The following LTBP1 variants were observed in gnomAD, a reference collection of about 807,000 sequenced individuals.
LTBP1 encodes the protein latent-transforming growth factor beta-binding protein 1.
In LTBP1, 129 loss-of-function variants were observed where a neutral mutation model predicts 207.6. The observed-to-expected ratio is 0.62, with a 90% CI of 0.54 to 0.72. The LOEUF (loss-of-function observed/expected upper bound fraction) is 0.72. LTBP1 is among the 30% of genes least tolerant of loss of function. The probability of loss-of-function intolerance (pLI) is 0.00; values close to 1 mark genes in which losing one functional copy is unlikely to be tolerated. For synonymous variants in LTBP1, 963 were observed against 833.7 expected (o/e 1.16, Z -2.67); for missense variants, 2,281 against 2,217.2 (o/e 1.03, Z -0.58).
At chr2:32,969,978 T>C (rs984377434) in intron 2 of LTBP1, among the ~76,000 whole-genome samples, 10 of 152,258 alleles carry the variant, frequency 6.6e-5, no homozygotes, top group Non-Finnish European at 1.3e-4. Context: ...TGGTGCAAGA[T>C]GGTATCACAT....
chr2:33,017,409 C>G (rs1056706415), intron 2 of LTBP1, among the ~76,000 whole-genome samples: 1 of 152,186 alleles, frequency 6.6e-6, no homozygotes, highest in Non-Finnish European at 1.5e-5. Flanking sequence ...TCACTGATTG[C>G]TGGGCTCCAG....
intron 5 of LTBP1, among the ~76,000 whole-genome samples, chr2:33,160,847 G>A (rs1292513309): frequency 6.6e-6 from 1 of 152,192 alleles, no homozygotes; most frequent in Non-Finnish European, 1.5e-5. Context: ...GGCCCAGCAA[G>A]AACTATGATA....
At chr2:33,042,834 A>G (rs193291929) in intron 3 of LTBP1, among the ~76,000 whole-genome samples, 2 of 152,324 alleles carry the variant, frequency 1.3e-5, no homozygotes, top group Admixed American at 6.5e-5. Flanking sequence ...TTTTAAAAAA[A>G]TATTTGGCTG....
chr2:32,995,471 C>G (rs558732215), intron 2 of LTBP1, among the ~76,000 whole-genome samples: 2 of 152,182 alleles, frequency 1.3e-5, no homozygotes, highest in East Asian at 3.9e-4. Context: ...TTTAATGGCT[C>G]TAGTGATACT....
At chr2:33,292,327 A>T (rs1408516198) in intron 19 of LTBP1, among the ~76,000 whole-genome samples, 2 of 152,196 alleles carry the variant, frequency 1.3e-5, no homozygotes, top group Non-Finnish European at 2.9e-5. Context: ...TGTTTCTATC[A>T]CTAGATTTAA....
chr2:33,088,004 G>T (rs902395590), intron 3 of LTBP1, among the ~76,000 whole-genome samples: 17 of 152,322 alleles, frequency 1.1e-4, no homozygotes, highest in Non-Finnish European at 8.8e-5. Context: ...AAAATTTGGT[G>T]CTGAAATAGT....
intron 3 of LTBP1, among the ~76,000 whole-genome samples, chr2:33,061,778 A>C (rs2077282237): frequency 6.6e-6 from 1 of 152,122 alleles, no homozygotes; most frequent in Non-Finnish European, 1.5e-5. Context: ...CATTCTTGTG[A>C]GTTTTCCTGT....
At chr2:33,216,944 A>G (rs2090759449) in intron 7 of LTBP1, among the ~76,000 whole-genome samples, 1 of 152,190 alleles carries the variant, frequency 6.6e-6, no homozygotes, top group Non-Finnish European at 1.5e-5. Context: ...TCGCTTAAAC[A>G]TGCTGGCACC....
chr2:33,306,447 G>A (rs1465220637), intron 22 of LTBP1, among the ~76,000 whole-genome samples: 4 of 152,096 alleles, frequency 2.6e-5, no homozygotes, highest in South Asian at 4.1e-4. Flanking sequence ...GCAGGCGCCT[G>A]TAATCCCAGC....
chr2:33,086,522 G>T (rs2078762549), intron 3 of LTBP1, among the ~76,000 whole-genome samples: 1 of 152,156 alleles, frequency 6.6e-6, no homozygotes, highest in African/African-American at 2.4e-5. Context: ...TGTGGTTATG[G>T]CGACATACAT....
chr2:33,386,545 C>G (rs192233152), intron 31 of LTBP1, among the ~76,000 whole-genome samples: 17 of 152,294 alleles, frequency 1.1e-4, no homozygotes, highest in African/African-American at 3.8e-4. Flanking sequence ...AGTACCTTGG[C>G]CAAGCACGGC....
At chr2:33,061,635 G>A (rs1213233546) in intron 3 of LTBP1, among the ~76,000 whole-genome samples, 2 of 152,138 alleles carry the variant, frequency 1.3e-5, no homozygotes. Flanking sequence ...GCGTGAATAA[G>A]CAGTTCATTC....
chr2:33,154,311 G>A (rs2083776852), intron 5 of LTBP1, among the ~76,000 whole-genome samples: 1 of 152,304 alleles, frequency 6.6e-6, no homozygotes, highest in African/African-American at 2.4e-5. Context: ...AGGACCTGCT[G>A]TAGAGTGAAG....
intron 3 of LTBP1, among the ~76,000 whole-genome samples, chr2:33,051,294 G>C (rs1039934870): frequency 3.9e-5 from 6 of 152,118 alleles, no homozygotes; most frequent in African/African-American, 1.4e-4. Flanking sequence ...GTGTGTGCCT[G>C]TTGTTCTAGC....
At chr2:33,367,699 C>T (rs2095010105) in intron 31 of LTBP1, among the ~76,000 whole-genome samples, 2 of 152,094 alleles carry the variant, frequency 1.3e-5, no homozygotes, top group Admixed American at 6.6e-5. Flanking sequence ...TTGGTTACGG[C>T]TTAGTGGTAT....
intron 3 of LTBP1, among the ~76,000 whole-genome samples, chr2:33,022,422 G>T (rs1254320529): frequency 1.3e-5 from 2 of 152,124 alleles, no homozygotes; most frequent in African/African-American, 2.4e-5. Flanking sequence ...AGAAGCAAAG[G>T]TAAGATAGGT....
At position 33,394,405 on chromosome 2, in the gene LTBP1, A is replaced by C. The variant is rs191361027; in HGVS notation, c.4835-2728A>C. 1.4e-3 allele frequency among the ~76,000 whole-genome samples: 215 copies of C among 152,164 alleles called. 3 individuals carry two copies. Among genetic ancestry groups the C allele is most frequent in the Middle Eastern group, 6.8e-3 (2 of 294 alleles). Reference sequence around the variant, plus strand: ...TCCTGAATGGTATTGCCTAGGTTTTATTCTAGGGTTTTTATGGTTTTAGGT... The same window carrying C: ...TCCTGAATGGTATTGCCTAGGTTTTCTTCTAGGGTTTTTATGGTTTTAGGT... On this transcript the variant is annotated intron_variant, in intron 32 of 33. Transcript: ENST00000404816.
intron 31 of LTBP1, among the ~76,000 whole-genome samples, chr2:33,366,764 A>G (rs2094993650): frequency 6.6e-6 from 1 of 152,220 alleles, no homozygotes. Context: ...GGTAATTACT[A>G]GCTTTACTGG....
At chr2:33,356,634 A>T (rs796292399) in intron 26 of LTBP1, among the ~76,000 whole-genome samples, 3 of 152,284 alleles carry the variant, frequency 2.0e-5, no homozygotes, top group African/African-American at 7.2e-5. Flanking sequence ...TGGGCAACAG[A>T]GTGAGTCTGT....
Sources: gnomAD v4.1 joint callset for allele counts (sites outside exome capture counted in the v4.1 genomes callset) on GRCh38, gnomAD v4.1.1 for gene constraint, MANE v1.5 for transcripts, NCBI Gene and HGNC (gene_info 2026-07-23, HGNC 2026-07-21) for gene names.